FLT1: variants seen among roughly 807,000 people sequenced by gnomAD.
FLT1 encodes vascular endothelial growth factor receptor 1.
A neutral mutation model predicts 156.3 loss-of-function variants in FLT1; 49 were observed. That is an observed-to-expected ratio of 0.31 (90% confidence interval 0.25 to 0.40). The LOEUF (loss-of-function observed/expected upper bound fraction) is 0.40. Ranked by LOEUF, FLT1 falls within the 10% of genes least tolerant of loss-of-function variation. The pLI is 1.00. For synonymous variants in FLT1, 594 were observed against 583.8 expected, an observed-to-expected ratio of 1.02 and a Z score of -0.25; for missense variants, 1,322 against 1,637.2, an observed-to-expected ratio of 0.81 and a Z score of 3.32.
At chr13:28,356,988 A>G (rs751865953) in intron 15 of FLT1, among the ~76,000 whole-genome samples, 3 of 152,254 alleles carry the variant, frequency 2.0e-5, no homozygotes, top group Non-Finnish European at 2.9e-5. Context: ...AGACCTATAA[A>G]GAGGAAGCAC....
chr13:28,330,147 C>G (rs1871866357), intron 18 of FLT1, among the ~76,000 whole-genome samples: 1 of 152,232 alleles, frequency 6.6e-6, no homozygotes, highest in Non-Finnish European at 1.5e-5. Flanking sequence ...AGAGAAGGAG[C>G]ACAAGGGGCC....
intron 29 of FLT1, among the ~76,000 whole-genome samples, chr13:28,305,250 T>C (rs1388231776): frequency 1.3e-5 from 2 of 152,188 alleles, no homozygotes; most frequent in Non-Finnish European, 2.9e-5. Context: ...TTTCCCTTTT[T>C]TCTCCCTCTG....
chr13:28,332,025 A>C (rs1168966615), intron 18 of FLT1, among the ~76,000 whole-genome samples: 3 of 152,128 alleles, frequency 2.0e-5, no homozygotes, highest in African/African-American at 7.2e-5. Context: ...CAGGAGTTTG[A>C]GACCAGCCTG....
intron 10 of FLT1, among the ~76,000 whole-genome samples, chr13:28,418,129 G>C (rs1195664241): frequency 6.6e-6 from 1 of 152,130 alleles, no homozygotes; most frequent in East Asian, 1.9e-4. Context: ...ACGAATAGGG[G>C]AAAGTGCCAC....
At chr13:28,405,310 A>G (rs778109022) in intron 11 of FLT1, among the ~76,000 whole-genome samples, 4 of 152,180 alleles carry the variant, frequency 2.6e-5, no homozygotes, top group Non-Finnish European at 5.9e-5. Context: ...AATACATGAT[A>G]TTTCACAAAA....
intron 13 of FLT1, chr13:28,386,158 G>A (rs1437142546): frequency 7.6e-6 from 8 of 1,054,244 alleles, no homozygotes; most frequent in Non-Finnish European, 6.9e-6. Context: ...CAGCTTAGGA[G>A]TGATGACAAT....
intron 10 of FLT1, among the ~76,000 whole-genome samples, chr13:28,407,009 G>T (rs1875846631): frequency 6.6e-6 from 1 of 152,106 alleles, no homozygotes; most frequent in Admixed American, 6.5e-5. Context: ...ATCTGCAGGG[G>T]TACTGGCCCT....
rs570704202 is a variant in FLT1 at position 28,465,931 on chromosome 13, A to G, written c.388+972T>C. Among the ~76,000 whole-genome samples the G allele has an allele frequency of 3.9e-5, 6 of 152,302 alleles. No homozygotes were observed. The South Asian group carries it at 1.2e-3, about 32-fold the overall frequency. On this transcript the variant is annotated intron_variant, in intron 3 of 29. Transcript: ENST00000282397. Reference sequence around the variant, plus strand: ...ATGCAAAGACCCAGTTCCTGACCTCACCAGAAGGTAGACCCACAATGTATA... The same window carrying G: ...ATGCAAAGACCCAGTTCCTGACCTCGCCAGAAGGTAGACCCACAATGTATA...
chr13:28,327,311 G>GA (rs1277128503), intron 20 of FLT1, 151 bp downstream of exon 20: 8 of 647,462 alleles, frequency 1.2e-5, no homozygotes, highest in East Asian at 2.8e-5. Context: ...ATTATCAGGG[G>GA]AAAAAACATG....
chr13:28,456,129 A>G (rs1033758926), intron 3 of FLT1, among the ~76,000 whole-genome samples: 1 of 152,220 alleles, frequency 6.6e-6, no homozygotes, highest in Non-Finnish European at 1.5e-5. Context: ...GTATTTGCCC[A>G]AAGGACCTGA....
At position 28,470,620 on chromosome 13, in the gene FLT1, C is replaced by A. The variant is rs554262247; in HGVS notation, c.65-3003G>T. On this transcript the variant is annotated intron_variant, in intron 1 of 29. Coordinates refer to ENST00000282397, the MANE Select transcript of FLT1 (RefSeq NM_002019.4). ...CAACTTAGAACACCAGTACTCCTGA[C>A]CCTCATCAGAGGAAACCGCTAACTT... Among the ~76,000 whole-genome samples the A allele has an allele frequency of 5.3e-5, 8 of 152,276 alleles. No homozygotes were observed. In the South Asian group the frequency reaches 1.7e-3, roughly 32 times the overall value.
Position 28,440,843 on chromosome 13 carries a change from A to C in FLT1, c.389-2498T>G, listed in dbSNP as rs118170274. ...CAAATAGTTAGCTGTTAATTTTCTT[A>C]TTATTATTATGACTCATTTGAACTT... On this transcript the variant is annotated intron_variant, in intron 3 of 29. Coordinates refer to ENST00000282397, the MANE Select transcript of FLT1 (RefSeq NM_002019.4). Among the ~76,000 whole-genome samples, 130 of 152,046 alleles carry C rather than the reference A, an allele frequency of 8.6e-4. 1 individual carries two copies. In the East Asian group the frequency reaches 0.015, roughly 17 times the overall value.
chr13:28,343,019 C>A (rs1005491660), intron 16 of FLT1, among the ~76,000 whole-genome samples: 8 of 152,160 alleles, frequency 5.3e-5, no homozygotes, highest in South Asian at 2.1e-4. Flanking sequence ...CACTGTGTCA[C>A]CCAGGCTAGA....
At chr13:28,377,313 A>G (rs1873877795) in intron 14 of FLT1, among the ~76,000 whole-genome samples, 1 of 152,200 alleles carries the variant, frequency 6.6e-6, no homozygotes, top group Non-Finnish European at 1.5e-5. Flanking sequence ...ACAGCTAACA[A>G]CAATTGAGAA....
At chr13:28,345,685 A>C in intron 15 of FLT1, 134 bp from the exon 16 acceptor site, 1 of 695,570 alleles carries the variant, frequency 1.4e-6, no homozygotes. Flanking sequence ...CCACAAAATC[A>C]GTCTCTGGGA....
intron 11 of FLT1, among the ~76,000 whole-genome samples, chr13:28,402,171 A>G (rs1593749578): frequency 6.6e-6 from 1 of 152,204 alleles, no homozygotes; most frequent in African/African-American, 2.4e-5. Context: ...CAAAGAAAAA[A>G]AATCCAAGGT....
rs75414331 is a variant in FLT1 at position 28,407,398 on chromosome 13, A to C, written c.1437-1504T>G. ...TTTTTCTTCTGTATTTTATTTATTT[A>C]TTTATTTTAAAATTTTTCTAGCCTG... On this transcript the variant is annotated intron_variant, in intron 10 of 29. Transcript: ENST00000282397. 6.5e-4 allele frequency among the ~76,000 whole-genome samples: 99 copies of C among 151,650 alleles called. 2 individuals carry two copies. The East Asian group carries it at 0.018, about 27-fold the overall frequency.
chr13:28,400,405 T>G (rs939102721), intron 11 of FLT1, among the ~76,000 whole-genome samples: 2 of 152,240 alleles, frequency 1.3e-5, no homozygotes, highest in African/African-American at 4.8e-5. Context: ...ATGATCAGTT[T>G]TATTAAAATT....
At chr13:28,312,132 G>A in intron 25 of FLT1, 34 bp from the exon 26 acceptor site, 1 of 1,337,998 alleles carries the variant, frequency 7.5e-7, no homozygotes, top group Non-Finnish European at 1.1e-6. Flanking sequence ...AATAGTTGGA[G>A]AGCAGTGATC....
Sources: allele counts gnomAD v4.1 joint callset (sites outside exome capture counted in the v4.1 genomes callset), GRCh38; gene constraint gnomAD v4.1.1; transcripts MANE v1.5; gene names NCBI Gene and HGNC (gene_info 2026-07-23, HGNC 2026-07-21).